The following NAV3 variants were observed in gnomAD, a reference collection of about 807,000 sequenced individuals.
The protein encoded by NAV3 is pore membrane and/or filament interacting like protein 1.
NAV3 carries 87 observed loss-of-function variants against 244.7 expected under a neutral mutation model. The ratio of observed to expected loss-of-function variants is 0.36; its 90% CI spans 0.30 to 0.42. The LOEUF (loss-of-function observed/expected upper bound fraction) is 0.42. Among genes scored for constraint, NAV3 ranks in the 20% least tolerant of loss-of-function variants. The probability of loss-of-function intolerance (pLI) is 1.00; values close to 1 mark genes in which losing one functional copy is unlikely to be tolerated. For synonymous variants in NAV3, 1,126 were observed against 1,042.2 expected, an observed-to-expected ratio of 1.08 and a Z score of -1.55; for missense variants, 2,663 against 2,893.3, an observed-to-expected ratio of 0.92 and a Z score of 1.83.
At chr12:77,989,689 G>A (rs1000787365) in intron 5 of NAV3, among the ~76,000 whole-genome samples, 2 of 152,094 alleles carry the variant, frequency 1.3e-5, no homozygotes, top group African/African-American at 4.8e-5. Flanking sequence ...GTTAATTGGT[G>A]AAATAACATT....
At chr12:78,141,449 C>T (rs1956609207) in intron 20 of NAV3, among the ~76,000 whole-genome samples, 1 of 152,154 alleles carries the variant, frequency 6.6e-6, no homozygotes, top group Admixed American at 6.6e-5. Context: ...TAATCCTGTA[C>T]TGTAAGGTTC....
chr12:78,015,084 A>G (rs969575756), intron 8 of NAV3, among the ~76,000 whole-genome samples: 3 of 152,076 alleles, frequency 2.0e-5, no homozygotes, highest in Admixed American at 1.3e-4. Context: ...AGAGAGGTTC[A>G]CAAACTACCT....
intron 2 of NAV3, among the ~76,000 whole-genome samples, chr12:77,712,519 A>G (rs1023381178): frequency 1.3e-5 from 2 of 152,286 alleles, no homozygotes; most frequent in Admixed American, 6.5e-5. Context: ...AAGTGGAATC[A>G]TTATCATTAG....
chr12:77,932,670 C>T (rs1440145244), intron 1 of NAV3, among the ~76,000 whole-genome samples: 1 of 152,128 alleles, frequency 6.6e-6, no homozygotes, highest in African/African-American at 2.4e-5. Context: ...AACTCCATAG[C>T]TGCACTCAAG....
intron 18 of NAV3, among the ~76,000 whole-genome samples, chr12:78,134,620 A>G (rs920152963): frequency 2.0e-5 from 3 of 152,146 alleles, no homozygotes; most frequent in Non-Finnish European, 2.9e-5. Flanking sequence ...GACACATTGG[A>G]TCATGCCTGT....
At chr12:77,776,700 T>A (rs573045231) in intron 2 of NAV3, among the ~76,000 whole-genome samples, 1 of 152,294 alleles carries the variant, frequency 6.6e-6, no homozygotes, top group East Asian at 1.9e-4. Flanking sequence ...TAGAGAGTTT[T>A]ACACTACTCA....
intron 12 of NAV3, among the ~76,000 whole-genome samples, chr12:78,070,334 G>C (rs1593461985): frequency 6.6e-6 from 1 of 151,040 alleles, no homozygotes; most frequent in Non-Finnish European, 1.5e-5. Flanking sequence ...ATGCACAAGA[G>C]ACTGAAAAAC....
chr12:77,752,579 C>T (rs961577569), intron 2 of NAV3, among the ~76,000 whole-genome samples: 17 of 152,090 alleles, frequency 1.1e-4, no homozygotes, highest in African/African-American at 2.4e-4. Flanking sequence ...GCAATTCTAC[C>T]GAACTGACTC....
At chr12:78,205,249 C>A (rs1960171303) in intron 39 of NAV3, 111 bp downstream of exon 39, 1 of 1,148,668 alleles carries the variant, frequency 8.7e-7, no homozygotes, top group Non-Finnish European at 1.2e-6. Flanking sequence ...ACATTTGGAA[C>A]AGTTTTAACC....
chr12:77,731,168 T>C (rs991806753), intron 2 of NAV3, among the ~76,000 whole-genome samples: 1 of 151,886 alleles, frequency 6.6e-6, no homozygotes, highest in Admixed American at 6.6e-5. Flanking sequence ...GCAAAGGTAA[T>C]CCCAGAACAA....
chr12:77,691,133 A>T (rs908216998), intron 2 of NAV3, among the ~76,000 whole-genome samples: 6 of 150,824 alleles, frequency 4.0e-5, no homozygotes, highest in Middle Eastern at 6.8e-3. Flanking sequence ...AACTACGAAA[A>T]TTATAAGATG....
At chr12:77,640,663 T>C (rs1872369140) in intron 2 of NAV3, among the ~76,000 whole-genome samples, 1 of 152,156 alleles carries the variant, frequency 6.6e-6, no homozygotes, top group Non-Finnish European at 1.5e-5. Context: ...TACTGTATAC[T>C]GAAAATTTGC....
At chr12:77,672,978 T>C (rs188742346) in intron 2 of NAV3, among the ~76,000 whole-genome samples, 15 of 152,274 alleles carry the variant, frequency 9.9e-5, no homozygotes, top group African/African-American at 3.4e-4. Flanking sequence ...TTTTTGTTAT[T>C]TTTCTCCACT....
chr12:77,941,395 C>G (rs117156934), intron 3 of NAV3, among the ~76,000 whole-genome samples: 2,128 of 152,222 alleles, frequency 0.014, 28 homozygotes, highest in Non-Finnish European at 0.023. Context: ...TAATTTAACA[C>G]TGGTCTTAAT....
chr12:78,146,400 A>T lies in NAV3; in HGVS notation c.4707+8A>T. The T allele has an allele frequency of 9.2e-7, 1 of 1,087,002 alleles. No homozygotes were observed. The highest frequency in any genetic ancestry group is 1.9e-5 in the South Asian group (1 of 51,428). 67.3% of individuals were successfully genotyped at this position (1,087,002 alleles called of 1,614,324 possible). A position where few individuals can be genotyped will look rare whatever the true frequency, so the allele number is the denominator to read the frequency against. On this transcript the variant is annotated splice_region_variant and intron_variant, in intron 21 of 39. Transcript: ENST00000397909. The stretch of plus-strand genomic sequence containing the variant: ...GAAAAGGCTCATTCAGAGGTAAAAA[A>T]AAAATATGCAATATTTTAATATTTT...
At chr12:77,763,960 A>C (rs1869617731) in intron 2 of NAV3, among the ~76,000 whole-genome samples, 1 of 152,090 alleles carries the variant, frequency 6.6e-6, no homozygotes, top group African/African-American at 2.4e-5. Flanking sequence ...AGCATGGAAT[A>C]CTCCGAGGCC....
chr12:77,624,449 A>G (rs1283984448), intron 2 of NAV3, among the ~76,000 whole-genome samples: 1 of 152,108 alleles, frequency 6.6e-6, no homozygotes, highest in Non-Finnish European at 1.5e-5. Flanking sequence ...CTAAGTATAA[A>G]AAGGATCCAG....
chr12:77,634,271 G>A (rs1195458159), intron 2 of NAV3, among the ~76,000 whole-genome samples: 1 of 152,082 alleles, frequency 6.6e-6, no homozygotes, highest in Non-Finnish European at 1.5e-5. Flanking sequence ...TTCAGACTGC[G>A]TTGTCCTTAT....
At chr12:77,686,163 G>T (rs1052291967) in intron 2 of NAV3, among the ~76,000 whole-genome samples, 28 of 152,132 alleles carry the variant, frequency 1.8e-4, no homozygotes, top group African/African-American at 6.3e-4. Context: ...TGCAATCTCA[G>T]TTCACTGCAA....
Sources: gnomAD v4.1 joint callset for allele counts (sites outside exome capture counted in the v4.1 genomes callset) on GRCh38, gnomAD v4.1.1 for gene constraint, MANE v1.5 for transcripts, NCBI Gene and HGNC (gene_info 2026-07-23, HGNC 2026-07-21) for gene names.